LRRK2: variants seen among roughly 807,000 people sequenced by gnomAD.
The protein encoded by LRRK2 is leucine-rich repeat serine/threonine-protein kinase 2.
A neutral mutation model predicts 302.6 loss-of-function variants in LRRK2; 203 were observed. That is an observed-to-expected ratio of 0.67 (90% confidence interval 0.60 to 0.75). LRRK2 has a LOEUF of 0.75. LRRK2 is among the 30% of genes least tolerant of loss of function. The pLI is 0.00. For synonymous variants in LRRK2, 1,066 were observed against 1,031.9 expected, an observed-to-expected ratio of 1.03 and a Z score of -0.63; for missense variants, 2,830 against 2,951.0, an observed-to-expected ratio of 0.96 and a Z score of 0.95.
chr12:40,359,815 G>T (rs1193443494), intron 47 of LRRK2, among the ~76,000 whole-genome samples: 3 of 152,208 alleles, frequency 2.0e-5, no homozygotes, highest in South Asian at 2.1e-4. Flanking sequence ...TGCAATTTGG[G>T]TAACTTCCAT....
intron 11 of LRRK2, 46 bp from the exon 12 acceptor site, chr12:40,257,202 G>T (rs1307581609): frequency 2.9e-6 from 4 of 1,374,968 alleles, no homozygotes; most frequent in African/African-American, 1.4e-5. Context: ...GTAAAATTAT[G>T]AAAATATGCT....
chr12:40,276,454 C>A (rs1241889871), intron 16 of LRRK2, among the ~76,000 whole-genome samples: 2 of 152,140 alleles, frequency 1.3e-5, no homozygotes, highest in African/African-American at 2.4e-5. Flanking sequence ...CACCACCATG[C>A]TCAGCTAATG....
At chr12:40,289,701 A>G (rs1944069473) in intron 20 of LRRK2, among the ~76,000 whole-genome samples, 1 of 151,520 alleles carries the variant, frequency 6.6e-6, no homozygotes, top group Admixed American at 6.6e-5. Flanking sequence ...ACTATTATAG[A>G]TGGTATTGTA....
intron 41 of LRRK2, among the ~76,000 whole-genome samples, chr12:40,341,774 A>G (rs1279382463): frequency 6.6e-6 from 1 of 152,224 alleles, no homozygotes; most frequent in Non-Finnish European, 1.5e-5. Context: ...AACCAGATCC[A>G]GAGATATTTG....
chr12:40,281,250 A>G (rs11175845), intron 18 of LRRK2, among the ~76,000 whole-genome samples: 61,226 of 152,010 alleles, frequency 0.4, 12,903 homozygotes, highest in South Asian at 0.54. Flanking sequence ...TGTTATTCCC[A>G]TTGTGCAAGT....
intron 41 of LRRK2, among the ~76,000 whole-genome samples, chr12:40,342,337 CA>C (rs1400216985): frequency 6.6e-6 from 1 of 152,122 alleles, no homozygotes; most frequent in African/African-American, 2.4e-5. Context: ...CATACCAAGC[CA>C]CACAATTCTT....
At chr12:40,273,384 T>A (rs17519797) in intron 14 of LRRK2, among the ~76,000 whole-genome samples, 1 of 152,144 alleles carries the variant, frequency 6.6e-6, no homozygotes, top group Admixed American at 6.6e-5. Context: ...TGAAATGATG[T>A]CCAAGCTGAG....
chr12:40,297,911 A>G (rs1042743416), intron 23 of LRRK2, among the ~76,000 whole-genome samples: 2 of 152,128 alleles, frequency 1.3e-5, no homozygotes, highest in Non-Finnish European at 2.9e-5. Flanking sequence ...TTTTTGTTAA[A>G]TCATTAATTC....
chr12:40,243,626 T>C lies in LRRK2; in HGVS notation c.783T>C (p.Pro261=). The C allele has an allele frequency of 6.2e-7, 1 of 1,612,198 alleles. No individual in the cohort carries two copies. The highest frequency in any genetic ancestry group is 8.5e-7 in the Non-Finnish European group (1 of 1,178,722). Residue 261 remains proline (P), a synonymous_variant, in exon 7 of 51, where the codon CCT becomes CCC. Transcript: ENST00000298910. ...TGGTGGAAGCTATGAAAGCATTCCCTATGAGTGAAAGAATTCAAGAAGTGA... is the reference window on the plus strand; with the variant it reads ...TGGTGGAAGCTATGAAAGCATTCCCCATGAGTGAAAGAATTCAAGAAGTGA... The part of the protein sequence containing the change: ...NIVVEAMKAF[P]MSERIQEVSC...
At chr12:40,297,939 T>C (rs1363560581) in intron 23 of LRRK2, among the ~76,000 whole-genome samples, 1 of 152,092 alleles carries the variant, frequency 6.6e-6, no homozygotes, top group Non-Finnish European at 1.5e-5. Flanking sequence ...TGTTGAGGCG[T>C]ATTCTGCTTC....
At position 40,257,341 on chromosome 12, in the gene LRRK2, G is replaced by T. The variant is rs372415323; in HGVS notation, c.1382G>T (p.Ser461Ile). ...KHIHSPEVAE[S>I]GCKMLNHLFE... ...ATACATTCTCCTGAAGTGGCTGAAA[G>T]TGGCTGTAAAATGCTAAATCATCTT... Residue 461 changes from serine (S) to isoleucine (I), a missense_variant, in exon 12 of 51, where the codon AGT (serine) becomes ATT (isoleucine). Transcript: ENST00000298910. 8 of 1,612,958 alleles carry T rather than the reference G, an allele frequency of 5.0e-6. No homozygotes were observed. The highest frequency in any genetic ancestry group is 6.8e-6 in the Non-Finnish European group (8 of 1,179,290).
At chr12:40,305,746 T>C (rs200641034) in intron 27 of LRRK2, 39 bp from the exon 28 acceptor site, 201 of 1,594,966 alleles carry the variant, frequency 1.3e-4, no homozygotes, top group Admixed American at 2.3e-4. Context: ...CATTTCTTCC[T>C]TCCCACCAAC....
In LRRK2 at chr12:40,340,322, C is replaced by T. The variant is rs199993519; in HGVS notation, c.5977C>T (p.Arg1993Ter). 23 of 1,613,530 alleles carry T rather than the reference C, an allele frequency of 1.4e-5. No individual in the cohort carries two copies. Among genetic ancestry groups the T allele is most frequent in the African/African-American group, 2.7e-5 (2 of 74,846 alleles). Residue 1993 changes from arginine to a stop codon, truncating the protein, a stop_gained, in exon 41 of 51, where the codon CGA (arginine) becomes TGA (stop). Transcript: ENST00000298910. LOFTEE classifies it high-confidence loss of function. ...RYLHSAMIIY[R>*]DLKPHNVLLF... ...CCTCCACTCAGCCATGATTATATAC[C>T]GAGACCTGAAACCCCACAATGTGCT... is the stretch of plus-strand genomic sequence containing the variant.
chr12:40,322,396 G>C lies in LRRK2; in HGVS notation c.5395G>C (p.Asp1799His), dbSNP rs747940465. 2 of 1,613,612 alleles carry C rather than the reference G, an allele frequency of 1.2e-6. No individual in the cohort carries two copies. Among genetic ancestry groups the C allele is most frequent in the Non-Finnish European group, 1.7e-6 (2 of 1,179,636 alleles). The change falls in exon 37 of 51, where the codon GAT becomes CAT. Residue 1799 changes from aspartate to histidine, a missense_variant. Coordinates refer to ENST00000298910, the MANE Select transcript of LRRK2 (RefSeq NM_198578.4). ...EEWFPGLLEI[D>H]ICGEGETLLK... ...ATGGTTTCCTGGGTTGCTGGAGATTGATATTTGTGGTGAAGGAGAAACTCT... is the reference window on the plus strand; with the variant it reads ...ATGGTTTCCTGGGTTGCTGGAGATTCATATTTGTGGTGAAGGAGAAACTCT...
chr12:40,353,102 C>T lies in LRRK2; in HGVS notation c.6577-1197C>T, dbSNP rs551970665. ...CGGGCGGGGGCTGCCCCCCACCTCC[C>T]GGATGGGGTGGCTGCCCAGCGGAGA... On this transcript the variant is annotated intron_variant, in intron 44 of 50. Coordinates refer to ENST00000298910, the MANE Select transcript of LRRK2 (RefSeq NM_198578.4). 1.1e-4 allele frequency among the ~76,000 whole-genome samples: 17 copies of T among 151,208 alleles called. No homozygotes were observed. The East Asian group carries it at 1.6e-3, about 14-fold the overall frequency.
chr12:40,323,875 G>C (rs1056968643), intron 38 of LRRK2, among the ~76,000 whole-genome samples: 7 of 151,188 alleles, frequency 4.6e-5, no homozygotes, highest in Non-Finnish European at 1.0e-4. Context: ...TTTCAGTAGA[G>C]TATGATGGAA....
Position 40,320,128 on chromosome 12 carries a change from C to T in LRRK2, c.4968C>T (p.Phe1656=), listed in dbSNP as rs1945355022. 6.2e-7 allele frequency: 1 copy of T among 1,611,596 alleles called. No homozygotes were observed. Among genetic ancestry groups the T allele is most frequent in the Non-Finnish European group, 8.5e-7 (1 of 1,178,840 alleles). Reference sequence around the variant, plus strand: ...AGTATTTTAAGCTCCTAGAAAAATTCCAGATTGCTTTGCCAATAGGAGAAG... The same window carrying T: ...AGTATTTTAAGCTCCTAGAAAAATTTCAGATTGCTTTGCCAATAGGAGAAG... ...MSQYFKLLEK[F]QIALPIGEEY... is the part of the protein sequence containing the mutation. Residue 1656 remains phenylalanine (F), a synonymous_variant, in exon 34 of 51, where the codon TTC becomes TTT. Coordinates refer to ENST00000298910, the MANE Select transcript of LRRK2 (RefSeq NM_198578.4).
rs866787516 is a variant in LRRK2 at position 40,250,361 on chromosome 12, G to T, written c.958+416G>T. Among the ~76,000 whole-genome samples the T allele has an allele frequency of 3.3e-5, 5 of 151,974 alleles. No homozygotes were observed. In the South Asian group the frequency reaches 1.0e-3, roughly 32 times the overall value. On this transcript the variant is annotated intron_variant, in intron 8 of 50. Transcript: ENST00000298910. ...AAAAATTAGTCTGGCATGGTGGCGG[G>T]CACCTATAATCCCAGCTGCTCGGGA... is the stretch of plus-strand genomic sequence containing the variant.
rs753741055 is a variant in LRRK2 at position 40,308,613 on chromosome 12, T to C, written c.4106T>C (p.Val1369Ala). ...GATCTTGGAATGCAAAGTGCCACAGTTGGCATAGATGTGAAAGACTGGCCT... is the reference window on the plus strand; with the variant it reads ...GATCTTGGAATGCAAAGTGCCACAGCTGGCATAGATGTGAAAGACTGGCCT... ...KSDLGMQSAT[V>A]GIDVKDWPIQ... Residue 1369 changes from valine to alanine, a missense_variant, in exon 29 of 51, where the codon GTT (valine) becomes GCT (alanine). Physicochemically the swap from Val to Ala is moderately conservative, Grantham distance 64. Coordinates refer to ENST00000298910, the MANE Select transcript of LRRK2 (RefSeq NM_198578.4). 2 of 1,614,054 alleles carry C rather than the reference T, an allele frequency of 1.2e-6. No individual in the cohort carries two copies. The highest frequency in any genetic ancestry group is 1.7e-6 in the Non-Finnish European group (2 of 1,179,966).
Sources: allele counts gnomAD v4.1 joint callset (sites outside exome capture counted in the v4.1 genomes callset), GRCh38; gene constraint gnomAD v4.1.1; transcripts MANE v1.5; gene names NCBI Gene and HGNC (gene_info 2026-07-23, HGNC 2026-07-21).